FSTL5: variants seen among roughly 807,000 people sequenced by gnomAD.
FSTL5 encodes the protein follistatin like 5, also known as follistatin-related protein 5.
Under a neutral mutation model 89.1 loss-of-function variants are expected in FSTL5, and 62 were observed. The ratio of observed to expected loss-of-function variants is 0.70; its 90% CI spans 0.57 to 0.86. The LOEUF is 0.86. FSTL5 is among the 40% of genes least tolerant of loss of function. The pLI, the probability that FSTL5 is intolerant of heterozygous loss-of-function variation, is 0.00. For synonymous variants in FSTL5, 383 were observed against 346.2 expected, an observed-to-expected ratio of 1.11 and a Z score of -1.18; for missense variants, 1,057 against 1,001.6, an observed-to-expected ratio of 1.06 and a Z score of -0.75.
At chr4:161,508,488 A>G (rs1000105881) in intron 11 of FSTL5, among the ~76,000 whole-genome samples, 2 of 152,174 alleles carry the variant, frequency 1.3e-5, no homozygotes, top group East Asian at 3.9e-4. Context: ...GTCAAATGAA[A>G]TCGTGATGCA....
Position 162,049,994 on chromosome 4 carries a change from G to A in FSTL5, c.127-16336C>T, listed in dbSNP as rs527896665. On this transcript the variant is annotated intron_variant, in intron 2 of 15. Coordinates refer to ENST00000306100, the MANE Select transcript of FSTL5 (RefSeq NM_020116.5). ...TAGTAAAGAAGAAGATTAAATTAAG[G>A]CAAATAATTCTTGAAAGAAAGAACA... Among the ~76,000 whole-genome samples, 4 of 151,934 alleles carry A rather than the reference G, an allele frequency of 2.6e-5. No homozygotes were observed. The South Asian group carries it at 8.3e-4, about 32-fold the overall frequency.
At chr4:161,484,499 T>C (rs1729614505) in intron 12 of FSTL5, among the ~76,000 whole-genome samples, 2 of 152,170 alleles carry the variant, frequency 1.3e-5, no homozygotes, top group Admixed American at 1.3e-4. Context: ...CATAAAACAG[T>C]TTCAATTGAA....
chr4:161,423,491 C>A (rs1268451354), intron 15 of FSTL5, among the ~76,000 whole-genome samples: 2 of 152,048 alleles, frequency 1.3e-5, no homozygotes, highest in East Asian at 3.9e-4. Flanking sequence ...TGGAATAATT[C>A]TCTGATAATT....
At chr4:161,913,443 G>C (rs1299128121) in intron 4 of FSTL5, among the ~76,000 whole-genome samples, 1 of 152,178 alleles carries the variant, frequency 6.6e-6, no homozygotes, top group Non-Finnish European at 1.5e-5. Flanking sequence ...GCCTTCAGAG[G>C]GTAGAAGCCC....
chr4:162,021,559 T>C (rs887648164), intron 3 of FSTL5, among the ~76,000 whole-genome samples: 4 of 151,984 alleles, frequency 2.6e-5, no homozygotes, highest in African/African-American at 7.2e-5. Flanking sequence ...AAAACACAAA[T>C]ACACACACAA....
chr4:161,818,424 G>GAAT (rs1730394161), intron 4 of FSTL5, among the ~76,000 whole-genome samples: 1 of 152,206 alleles, frequency 6.6e-6, no homozygotes, highest in Non-Finnish European at 1.5e-5. Context: ...TTGAGACAAG[G>GAAT]TAGAGGTTCT....
At chr4:161,490,951 C>T (rs1729850514) in intron 12 of FSTL5, among the ~76,000 whole-genome samples, 1 of 151,882 alleles carries the variant, frequency 6.6e-6, no homozygotes, top group African/African-American at 2.4e-5. Flanking sequence ...CTTTTTAAAT[C>T]TTTAGAAATA....
At chr4:161,572,888 A>G (rs1016450000) in intron 8 of FSTL5, among the ~76,000 whole-genome samples, 1 of 152,174 alleles carries the variant, frequency 6.6e-6, no homozygotes, top group Non-Finnish European at 1.5e-5. Flanking sequence ...AAAGTAAGAA[A>G]AAACATAGAG....
At chr4:161,544,009 G>C (rs1301881968) in intron 8 of FSTL5, among the ~76,000 whole-genome samples, 2 of 151,824 alleles carry the variant, frequency 1.3e-5, no homozygotes, top group East Asian at 1.9e-4. Flanking sequence ...AGAATATATA[G>C]AGAACTGTTA....
intron 1 of FSTL5, among the ~76,000 whole-genome samples, chr4:162,148,694 T>G (rs1485475729): frequency 6.6e-6 from 1 of 152,208 alleles, no homozygotes; most frequent in East Asian, 1.9e-4. Flanking sequence ...ATCTTACACA[T>G]GTAACATTAT....
At chr4:162,082,399 A>C (rs1219869619) in intron 2 of FSTL5, among the ~76,000 whole-genome samples, 3 of 151,646 alleles carry the variant, frequency 2.0e-5, no homozygotes, top group Non-Finnish European at 4.4e-5. Flanking sequence ...TATATATTTT[A>C]TTGGTAATTT....
chr4:162,003,335 T>C (rs1007424092), intron 3 of FSTL5, among the ~76,000 whole-genome samples: 1 of 152,156 alleles, frequency 6.6e-6, no homozygotes, highest in Non-Finnish European at 1.5e-5. Context: ...AGTTGTGTCA[T>C]TCCCATTGAA....
At chr4:161,678,768 T>C (rs940042044) in intron 6 of FSTL5, among the ~76,000 whole-genome samples, 2 of 151,794 alleles carry the variant, frequency 1.3e-5, no homozygotes, top group African/African-American at 2.4e-5. Flanking sequence ...TTGAAGAGTA[T>C]TGTTAAGAGA....
chr4:162,153,642 G>GTATATAATAATATA lies in FSTL5; in HGVS notation c.-17+9972_-17+9973insTATATTATTATATA, dbSNP rs1431868029. Among the ~76,000 whole-genome samples the GTATATAATAATATA allele has an allele frequency of 1.1e-3, 95 of 86,394 alleles. 2 individuals are homozygous for GTATATAATAATATA. Among genetic ancestry groups the GTATATAATAATATA allele is most frequent in the African/African-American group, 3.8e-3 (92 of 24,014 alleles). 56.7% of individuals were successfully genotyped at this position (86,394 alleles called of 152,430 possible). On this transcript the variant is annotated intron_variant, in intron 1 of 15. Transcript: ENST00000306100. Reference sequence around the variant, plus strand: ...ATTATATATGTATATAATAATATATGTATATTATATATGTATATAATATAT... The same window carrying GTATATAATAATATA: ...ATTATATATGTATATAATAATATATGTATATAATAATATATATATTATATATGTATATAATATAT...
At chr4:161,580,478 G>C (rs1733394104) in intron 8 of FSTL5, among the ~76,000 whole-genome samples, 2 of 152,136 alleles carry the variant, frequency 1.3e-5, no homozygotes, top group South Asian at 4.1e-4. Context: ...GTGTAAAAAT[G>C]GGAAAAGTTA....
chr4:162,012,769 T>C (rs2111134368), intron 3 of FSTL5, among the ~76,000 whole-genome samples: 1 of 152,274 alleles, frequency 6.6e-6, no homozygotes, highest in Non-Finnish European at 1.5e-5. Flanking sequence ...CTTAATAATA[T>C]AATATTGAAG....
At position 161,542,659 on chromosome 4, in the gene FSTL5, C is replaced by T; in HGVS notation, c.1050G>A (p.Gln350=). 1 of 1,539,386 alleles carries T rather than the reference C, an allele frequency of 6.5e-7. No homozygotes were observed. Among genetic ancestry groups the T allele is most frequent in the Non-Finnish European group, 8.8e-7 (1 of 1,138,398 alleles). Reference sequence around the variant, plus strand: ...TGGCAGTTACCCCAGGCTCTCTAGCCTGACTCTCTGGATACACCCGGATGA... The same window carrying T: ...TGGCAGTTACCCCAGGCTCTCTAGCTTGACTCTCTGGATACACCCGGATGA... ...PPVIRVYPES[Q]AREPGVTASL... is the part of the protein sequence containing the mutation. The change falls in exon 9 of 16, where the codon CAG becomes CAA. Residue 350 remains glutamine (Q), a synonymous_variant. Coordinates refer to ENST00000306100, the MANE Select transcript of FSTL5 (RefSeq NM_020116.5).
chr4:161,890,688 A>T lies in FSTL5; in HGVS notation c.409+29716T>A, dbSNP rs1276519354. Among the ~76,000 whole-genome samples, 10 of 29,904 alleles carry T rather than the reference A, an allele frequency of 3.3e-4. No individual in the cohort carries two copies. The East Asian group carries it at 0.013, about 40-fold the overall frequency. 19.6% of individuals were successfully genotyped at this position (29,904 alleles called of 152,430 possible). A position where few individuals can be genotyped will look rare whatever the true frequency, so the allele number is the denominator to read the frequency against. On this transcript the variant is annotated intron_variant, in intron 4 of 15. Transcript: ENST00000306100. ...GGGCAGCAGAGCAAGACTCTGTCTA[A>T]AAAAAAAAAAAAAAAAAACAGGGTC... is the stretch of plus-strand genomic sequence containing the variant.
intron 2 of FSTL5, among the ~76,000 whole-genome samples, chr4:162,040,301 A>C (rs1456534262): frequency 6.6e-6 from 1 of 152,094 alleles, no homozygotes; most frequent in Non-Finnish European, 1.5e-5. Context: ...AGTAATATGG[A>C]TTGGAAATTC....
Sources: gnomAD v4.1 joint callset for allele counts (sites outside exome capture counted in the v4.1 genomes callset) on GRCh38, gnomAD v4.1.1 for gene constraint, MANE v1.5 for transcripts, NCBI Gene and HGNC (gene_info 2026-07-23, HGNC 2026-07-21) for gene names.